WDPCP: variants seen among roughly 807,000 people sequenced by gnomAD.
The protein encoded by WDPCP is WD repeat-containing and planar cell polarity effector protein fritz homolog.
A neutral mutation model predicts 93.1 loss-of-function variants in WDPCP; 71 were observed. The ratio of observed to expected loss-of-function variants is 0.76; its 90% CI spans 0.63 to 0.93. The LOEUF is 0.93. Among genes scored for constraint, WDPCP ranks in the 40% least tolerant of loss-of-function variants. The pLI is 0.00. For missense variants in WDPCP, 844 were observed against 887.4 expected (o/e 0.95, Z 0.62); for synonymous variants, 315 against 315.0 (o/e 1.00, Z 0.00).
intron 12 of WDPCP, among the ~76,000 whole-genome samples, chr2:63,315,895 T>C (rs1009495154): frequency 1.3e-5 from 2 of 152,034 alleles, no homozygotes; most frequent in Non-Finnish European, 1.5e-5. Context: ...CCTAAGCAGC[T>C]GTGACTACAA....
intron 2 of WDPCP, among the ~76,000 whole-genome samples, chr2:63,657,069 G>T (rs1710175465): frequency 1.3e-5 from 2 of 152,146 alleles, no homozygotes; most frequent in Non-Finnish European, 2.9e-5. Flanking sequence ...AGAGTGCTAA[G>T]AGCTGAAGCT....
At chr2:63,476,717 T>C (rs1699996317) in intron 6 of WDPCP, among the ~76,000 whole-genome samples, 1 of 152,196 alleles carries the variant, frequency 6.6e-6, no homozygotes, top group African/African-American at 2.4e-5. Flanking sequence ...TAATAAGCTA[T>C]TATTAATAGT....
At chr2:63,251,915 A>G (rs555606790) in intron 14 of WDPCP, among the ~76,000 whole-genome samples, 1 of 151,916 alleles carries the variant, frequency 6.6e-6, no homozygotes, top group African/African-American at 2.4e-5. Context: ...GTAGGAGGGA[A>G]CTCCTTCATA....
chr2:63,748,274 C>T (rs1184482087), intron 2 of WDPCP, among the ~76,000 whole-genome samples: 2 of 151,612 alleles, frequency 1.3e-5, no homozygotes, highest in Non-Finnish European at 2.9e-5. Context: ...CTTGTACATA[C>T]AGTGTAATGT....
chr2:63,807,612 A>AATTCT, intron 2 of WDPCP, among the ~76,000 whole-genome samples: 1 of 152,362 alleles, frequency 6.6e-6, no homozygotes, highest in East Asian at 1.9e-4. Context: ...TTCTTAATAA[A>AATTCT]TAAATATAAA....
Position 63,784,795 on chromosome 2 carries a change from C to A in WDPCP, n.308+28827G>T, listed in dbSNP as rs557798518. Among the ~76,000 whole-genome samples the A allele has an allele frequency of 2.0e-5, 3 of 152,218 alleles. No individual in the cohort carries two copies. In the South Asian group the frequency reaches 6.2e-4, roughly 32 times the overall value. On this transcript the variant is annotated intron_variant and non_coding_transcript_variant, in intron 2 of 4. Transcript: ENST00000467687. Reference sequence around the variant, plus strand: ...ACAACTGTATTGTAGTACTTGAATTCAAATCTAAGTATTGAAACTATATGA... The same window carrying A: ...ACAACTGTATTGTAGTACTTGAATTAAAATCTAAGTATTGAAACTATATGA...
chr2:63,137,810 G>T (rs978887218), intron 17 of WDPCP, among the ~76,000 whole-genome samples: 2 of 152,068 alleles, frequency 1.3e-5, no homozygotes, highest in Non-Finnish European at 2.9e-5. Context: ...ATTGAATAGG[G>T]ATGCATTTCT....
intron 10 of WDPCP, among the ~76,000 whole-genome samples, chr2:63,398,781 C>A (rs1361081539): frequency 6.6e-6 from 1 of 151,000 alleles, no homozygotes; most frequent in African/African-American, 2.4e-5. Flanking sequence ...AAAAAAAAAT[C>A]TCATAAATGC....
intron 6 of WDPCP, among the ~76,000 whole-genome samples, chr2:63,449,913 C>T (rs1354171976): frequency 1.3e-5 from 2 of 152,128 alleles, no homozygotes; most frequent in Non-Finnish European, 2.9e-5. Flanking sequence ...AAGGCTACAG[C>T]AATACAGCAC....
chr2:63,560,262 C>T (rs993526655), intron 1 of WDPCP, among the ~76,000 whole-genome samples: 1 of 151,682 alleles, frequency 6.6e-6, no homozygotes, highest in Non-Finnish European at 1.5e-5. Context: ...TCATATGGAA[C>T]CAAAAAAAAG....
At chr2:63,362,366 TAGAA>T (rs1690551709) in intron 12 of WDPCP, among the ~76,000 whole-genome samples, 1 of 141,282 alleles carries the variant, frequency 7.1e-6, no homozygotes, top group Admixed American at 7.7e-5. Context: ...TATCTGGAAA[TAGAA>T]AGTAAAACAA....
At chr2:63,606,765 A>G in intron 3 of WDPCP, 3 of 816,522 alleles carry the variant, frequency 3.7e-6, no homozygotes, top group Non-Finnish European at 5.3e-6. Flanking sequence ...ATCAGACTTT[A>G]AAACGATATA....
intron 12 of WDPCP, among the ~76,000 whole-genome samples, chr2:63,370,613 C>A (rs1313482403): frequency 1.3e-5 from 2 of 151,864 alleles, no homozygotes; most frequent in Admixed American, 1.3e-4. Context: ...AGCAATGGAA[C>A]CTCACTTGCA....
chr2:63,284,132 G>A (rs1683797801), intron 13 of WDPCP, among the ~76,000 whole-genome samples: 1 of 151,840 alleles, frequency 6.6e-6, no homozygotes, highest in South Asian at 2.1e-4. Context: ...AATGTATTAT[G>A]GCATGTATTA....
intron 1 of WDPCP, among the ~76,000 whole-genome samples, chr2:63,510,728 G>A (rs1702178375): frequency 6.6e-6 from 1 of 152,146 alleles, no homozygotes; most frequent in Admixed American, 6.5e-5. Flanking sequence ...AATCCCAACA[G>A]GTTGGGAGCC....
intron 6 of WDPCP, among the ~76,000 whole-genome samples, chr2:63,461,906 T>A (rs1480981577): frequency 1.3e-5 from 2 of 152,172 alleles, no homozygotes; most frequent in Non-Finnish European, 2.9e-5. Flanking sequence ...CAAATTTGTT[T>A]TTTAAAAAGT....
chr2:63,655,722 C>G (rs181857822), intron 2 of WDPCP, among the ~76,000 whole-genome samples: 138 of 152,164 alleles, frequency 9.1e-4, no homozygotes, highest in South Asian at 1.7e-3. Context: ...TGTTTACTAC[C>G]TTTTTACACA....
chr2:63,286,822 C>T (rs1192969309), intron 13 of WDPCP, among the ~76,000 whole-genome samples: 3 of 151,986 alleles, frequency 2.0e-5, no homozygotes, highest in Non-Finnish European at 4.4e-5. Flanking sequence ...TGATTATTTC[C>T]TATTTGCTTT....
intron 13 of WDPCP, among the ~76,000 whole-genome samples, chr2:63,302,777 T>C (rs1459037685): frequency 1.3e-5 from 2 of 152,208 alleles, no homozygotes; most frequent in African/African-American, 2.4e-5. Context: ...AAGGGTACTT[T>C]AGGTTAAGAT....
Sources: gnomAD v4.1 joint callset for allele counts (sites outside exome capture counted in the v4.1 genomes callset) on GRCh38, gnomAD v4.1.1 for gene constraint, MANE v1.5 for transcripts, NCBI Gene and HGNC (gene_info 2026-07-23, HGNC 2026-07-21) for gene names.